ZNRF1: variants seen among roughly 807,000 people sequenced by gnomAD.
ZNRF1 encodes the protein E3 ubiquitin-protein ligase ZNRF1.
ZNRF1 carries 3 observed loss-of-function variants against 18.4 expected under a neutral mutation model. The ratio of observed to expected loss-of-function variants is 0.16; its 90% confidence interval spans 0.07 to 0.42. ZNRF1 has a LOEUF of 0.42. ZNRF1 is among the 10% of genes least tolerant of loss of function. The pLI, the probability that ZNRF1 is intolerant of heterozygous loss-of-function variation, is 0.99. For missense variants in ZNRF1, 310 were observed against 329.8 expected (o/e 0.94, Z 0.47); for synonymous variants, 157 against 144.2 (o/e 1.09, Z -0.64).
rs368718525 is a variant in ZNRF1, at chr16:75,023,478, GT to G, written c.424+23385del. Among the ~76,000 whole-genome samples, 134 of 152,332 alleles carry G rather than the reference GT, an allele frequency of 8.8e-4. No individual in the cohort carries two copies. In the East Asian group the frequency reaches 0.018, roughly 20 times the overall value. Reference sequence around the variant, plus strand: ...GTGGATGGATCACCTGACGTCAGGAGTTGGAGACCAGCCTGGCCAACATGGC... The same window carrying G: ...GTGGATGGATCACCTGACGTCAGGAGTGGAGACCAGCCTGGCCAACATGGC... On this transcript the variant is annotated intron_variant, in intron 1 of 4. Transcript: ENST00000335325.
chr16:75,032,487 A>G (rs2035318806), intron 1 of ZNRF1, among the ~76,000 whole-genome samples: 2 of 152,094 alleles, frequency 1.3e-5, no homozygotes, highest in Admixed American at 1.3e-4. Context: ...TGACTTTGTC[A>G]ATTGTCATTG....
intron 1 of ZNRF1, among the ~76,000 whole-genome samples, chr16:75,065,322 G>A (rs760465752): frequency 1.3e-5 from 2 of 152,114 alleles, no homozygotes; most frequent in Non-Finnish European, 1.5e-5. Flanking sequence ...TCCCTGAGAC[G>A]GGGGTGCCTT....
intron 1 of ZNRF1, among the ~76,000 whole-genome samples, chr16:75,025,588 A>G (rs909094639): frequency 3.9e-5 from 6 of 152,116 alleles, no homozygotes; most frequent in Non-Finnish European, 7.3e-5. Flanking sequence ...AGCCCCTCCT[A>G]TAAACTTAGT....
chr16:75,054,335 A>G (rs2035643375), intron 1 of ZNRF1, among the ~76,000 whole-genome samples: 2 of 152,216 alleles, frequency 1.3e-5, no homozygotes, highest in Non-Finnish European at 2.9e-5. Flanking sequence ...CTAAAAGTCC[A>G]TTTGTGGTGA....
At chr16:75,079,146 G>A (rs536417214) in intron 1 of ZNRF1, among the ~76,000 whole-genome samples, 2 of 152,284 alleles carry the variant, frequency 1.3e-5, no homozygotes, top group African/African-American at 4.8e-5. Flanking sequence ...AGAATTCATG[G>A]TCCTTCTCGT....
chr16:75,066,497 C>T (rs2035805920), intron 1 of ZNRF1, among the ~76,000 whole-genome samples: 1 of 152,168 alleles, frequency 6.6e-6, no homozygotes, highest in Non-Finnish European at 1.5e-5. Flanking sequence ...CTACAGCAAA[C>T]ATTATATTCA....
intron 1 of ZNRF1, among the ~76,000 whole-genome samples, chr16:75,011,101 G>A (rs76931376): frequency 0.028 from 4,309 of 152,226 alleles, 188 homozygotes; most frequent in African/African-American, 0.099. Context: ...ATACTTCTTA[G>A]CTTTTTGGAG....
intron 1 of ZNRF1, among the ~76,000 whole-genome samples, chr16:75,080,040 C>T (rs2035990633): frequency 6.6e-6 from 1 of 152,224 alleles, no homozygotes; most frequent in Non-Finnish European, 1.5e-5. Flanking sequence ...TTCAGCCTCC[C>T]AAGTAGCTGG....
intron 1 of ZNRF1, among the ~76,000 whole-genome samples, chr16:75,051,589 C>A (rs1165486274): frequency 6.6e-6 from 1 of 151,678 alleles, no homozygotes. Flanking sequence ...ATGATCTCGG[C>A]TCACTGCAAT....
chr16:75,088,648 TGTC>T (rs1425635740), intron 1 of ZNRF1, among the ~76,000 whole-genome samples: 2 of 152,124 alleles, frequency 1.3e-5, no homozygotes, highest in Non-Finnish European at 2.9e-5. Flanking sequence ...ACTTCCTAGG[TGTC>T]GTGGGCCAGC....
chr16:75,038,588 C>T (rs528767939), intron 1 of ZNRF1, among the ~76,000 whole-genome samples: 39 of 152,322 alleles, frequency 2.6e-4, no homozygotes, highest in African/African-American at 9.1e-4. Context: ...AAGATGGACA[C>T]TATTGTTGCA....
rs1311229288 is a variant in ZNRF1, at chr16:75,050,892, AAAAAAAC to A, written c.425-42672_425-42666del. On this transcript the variant is annotated intron_variant, in intron 1 of 4. Transcript: ENST00000335325. ...TCTCAAAAAAAAAAAAAAAAAACAA[AAAAAAAC>A]AAAAAACTTGTAGCCAGGTACAGTG... Among the ~76,000 whole-genome samples the A allele has an allele frequency of 9.4e-4, 120 of 127,146 alleles. 13 individuals carry two copies. Among genetic ancestry groups the A allele is most frequent in the Middle Eastern group, 7.4e-3 (2 of 270 alleles). 83.4% of individuals were successfully genotyped at this position (127,146 alleles called of 152,430 possible).
At chr16:75,002,587 T>G (rs2034865659) in intron 1 of ZNRF1, among the ~76,000 whole-genome samples, 1 of 152,202 alleles carries the variant, frequency 6.6e-6, no homozygotes, top group South Asian at 2.1e-4. Context: ...GGGCTTAGGC[T>G]GGGTCTGGAG....
intron 1 of ZNRF1, chr16:75,000,474 T>C: frequency 2.5e-6 from 1 of 394,932 alleles, no homozygotes; most frequent in Admixed American, 3.4e-5. Flanking sequence ...AACGGAGAGA[T>C]GGAGCCAGTT....
At chr16:75,051,542 G>T (rs1245346727) in intron 1 of ZNRF1, among the ~76,000 whole-genome samples, 1 of 150,490 alleles carries the variant, frequency 6.6e-6, no homozygotes, top group African/African-American at 2.4e-5. Flanking sequence ...GGGGGGGACG[G>T]AGTCTTGCTG....
intron 1 of ZNRF1, among the ~76,000 whole-genome samples, chr16:75,013,159 T>C (rs940639506): frequency 6.6e-6 from 1 of 152,198 alleles, no homozygotes; most frequent in African/African-American, 2.4e-5. Flanking sequence ...TTCAACACTT[T>C]CATATGACAG....
At position 74,999,851 on chromosome 16, in the gene ZNRF1, C is replaced by G. The variant is rs369609063; in HGVS notation, c.180C>G (p.Asp60Glu). 4.5e-4 allele frequency: 676 copies of G among 1,503,866 alleles called. No homozygotes were observed. Among genetic ancestry groups the G allele is most frequent in the Non-Finnish European group, 5.2e-4 (592 of 1,130,626 alleles). The allele number at this position is 1,503,866 out of a possible 1,614,324, so 93.2% of individuals were successfully genotyped here. A position where few individuals can be genotyped will look rare whatever the true frequency, so the allele number is the denominator to read the frequency against. Residue 60 changes from aspartate to glutamate, a missense_variant, in exon 1 of 5, where the codon GAC (aspartate) becomes GAG (glutamate). By Grantham distance (45) the Asp-to-Glu change is conservative. Around this residue, in one of 2 missense-constraint regions of ZNRF1, gnomAD observed 293 missense variants for 291.2 expected, o/e 1.01. Coordinates refer to ENST00000335325, the MANE Select transcript of ZNRF1 (RefSeq NM_032268.5). ...GCTCGGTGGCAGGCATGGGCATGGA[C>G]CCCAGCACGGCCGGGGGGGTGCCCT... ...SVSSVAGMGM[D>E]PSTAGGVPFG...
intron 1 of ZNRF1, among the ~76,000 whole-genome samples, chr16:75,056,550 A>G (rs2035670309): frequency 6.6e-6 from 1 of 152,208 alleles, no homozygotes; most frequent in African/African-American, 2.4e-5. Context: ...GAAGATACAG[A>G]TACTGAAGTT....
chr16:75,024,054 G>T (rs2035189969), intron 1 of ZNRF1, among the ~76,000 whole-genome samples: 1 of 151,894 alleles, frequency 6.6e-6, no homozygotes, highest in Admixed American at 6.6e-5. Flanking sequence ...ATTTTTAGTA[G>T]AAACGGGGTT....
Sources: gnomAD v4.1 joint callset for allele counts (sites outside exome capture counted in the v4.1 genomes callset) on GRCh38, gnomAD v4.1.1 for gene constraint, gnomAD v4.1.1 regional missense constraint, MANE v1.5 for transcripts, NCBI Gene and HGNC (gene_info 2026-07-23, HGNC 2026-07-21) for gene names.